Variants in KLHL42 observed in about 807,000 individuals in gnomAD.
KLHL42 encodes the protein kelch-like protein 42.
In KLHL42, 27 loss-of-function variants were observed where a neutral mutation model predicts 32.7. That is an observed-to-expected ratio of 0.83 (90% CI 0.61 to 1.14). KLHL42 has a LOEUF of 1.14. Ranked by LOEUF, KLHL42 falls within the 50% of genes most tolerant of loss-of-function variation. KLHL42 has a pLI of 0.00. For synonymous variants in KLHL42, 267 were observed against 248.2 expected (o/e 1.08, Z -0.71); for missense variants, 491 against 560.8 (o/e 0.88, Z 1.26).
chr12:27,783,836 A>G (rs550001660), intron 1 of KLHL42, among the ~76,000 whole-genome samples: 22 of 152,074 alleles, frequency 1.4e-4, no homozygotes, highest in Admixed American at 5.9e-4. Flanking sequence ...CGCCCGCCTC[A>G]GCCTCCCAAA....
At chr12:27,789,171 G>A (rs2062185812) in intron 1 of KLHL42, among the ~76,000 whole-genome samples, 1 of 152,186 alleles carries the variant, frequency 6.6e-6, no homozygotes, top group Non-Finnish European at 1.5e-5. Context: ...AATGGAGAAA[G>A]ACTTATCTCT....
At chr12:27,784,466 A>C (rs772029646) in intron 1 of KLHL42, among the ~76,000 whole-genome samples, 2 of 151,832 alleles carry the variant, frequency 1.3e-5, no homozygotes, top group Non-Finnish European at 2.9e-5. Context: ...AATTTTGTTG[A>C]AGCTGGGTGC....
chr12:27,782,877 GA>G (rs997320933), intron 1 of KLHL42, among the ~76,000 whole-genome samples: 5 of 151,922 alleles, frequency 3.3e-5, no homozygotes, highest in African/African-American at 1.2e-4. Context: ...TCAGGGTACA[GA>G]AAAAAAGTGT....
intron 1 of KLHL42, among the ~76,000 whole-genome samples, chr12:27,785,493 A>T (rs2140814441): frequency 6.6e-6 from 1 of 152,292 alleles, no homozygotes; most frequent in Non-Finnish European, 1.5e-5. Flanking sequence ...ACATGCCACC[A>T]TGCCTGACCC....
At chr12:27,797,154 G>C (rs1282840197) in intron 2 of KLHL42, 2 of 415,866 alleles carry the variant, frequency 4.8e-6, no homozygotes, top group East Asian at 7.2e-5. Flanking sequence ...ACTGGAAACT[G>C]AATTGCCAAG....
At chr12:27,791,454 T>C (rs999176384) in intron 1 of KLHL42, among the ~76,000 whole-genome samples, 1 of 152,244 alleles carries the variant, frequency 6.6e-6, no homozygotes, top group African/African-American at 2.4e-5. Context: ...TGAACAAGAT[T>C]AATAACTTGT....
rs1374107040 is a variant in KLHL42 at position 27,798,698 on chromosome 12, A to G, written c.*532A>G. The G allele has an allele frequency of 1.3e-5, 2 of 151,946 alleles. No individual in the cohort carries two copies. Among genetic ancestry groups the G allele is most frequent in the African/African-American group, 4.9e-5 (2 of 41,030 alleles). The allele number at this position is 151,946 out of a possible 1,614,324, so 9.4% of individuals were successfully genotyped here. ...CTGTGTTCAGATATTTTGTTTGCAC[A>G]CTACTTTTTAGGAAACTTATAATGA... On this transcript the variant is annotated 3_prime_UTR_variant, in exon 3 of 3. Transcript: ENST00000381271.
At chr12:27,794,387 C>T (rs1190288075) in intron 2 of KLHL42, among the ~76,000 whole-genome samples, 1 of 152,194 alleles carries the variant, frequency 6.6e-6, no homozygotes, top group African/African-American at 2.4e-5. Flanking sequence ...TGGCTTCTCC[C>T]TTTCTGTCTA....
Position 27,802,113 on chromosome 12 carries a change from A to G in KLHL42, c.*3947A>G, listed in dbSNP as rs1310417922. ...TGTTTTTCTTTTAAATTTGAACATC[A>G]CATCTTGTGTTTTAGTTTTTTGCTC... is the stretch of plus-strand genomic sequence containing the variant. On this transcript the variant is annotated 3_prime_UTR_variant, in exon 3 of 3. Coordinates refer to ENST00000381271, the MANE Select transcript of KLHL42 (RefSeq NM_020782.2). The G allele has an allele frequency of 6.6e-6, 1 of 150,708 alleles. No individual in the cohort carries two copies. Among genetic ancestry groups the G allele is most frequent in the Non-Finnish European group, 1.5e-5 (1 of 67,426 alleles). 9.3% of individuals were successfully genotyped at this position (150,708 alleles called of 1,614,324 possible).
chr12:27,785,829 T>A (rs1007481487), intron 1 of KLHL42, among the ~76,000 whole-genome samples: 2 of 152,240 alleles, frequency 1.3e-5, no homozygotes, highest in Admixed American at 1.3e-4. Flanking sequence ...TGGAATATAT[T>A]TTTACATTAT....
In KLHL42 at chr12:27,796,370, GTA is replaced by G. The variant is rs1240564624; in HGVS notation, c.1067-1344_1067-1343del. The stretch of plus-strand genomic sequence containing the variant: ...AAGCGCCTGCAGCCGTCAAAATGCT[GTA>G]GGCTTTAGTCGTCTGCCAGTTCCCA... On this transcript the variant is annotated intron_variant, in intron 2 of 2. Transcript: ENST00000381271. Among the ~76,000 whole-genome samples the G allele has an allele frequency of 6.6e-5, 10 of 152,322 alleles. No individual in the cohort carries two copies. In the South Asian group the frequency reaches 1.0e-3, roughly 16 times the overall value.
chr12:27,802,377 GT>G lies in KLHL42; in HGVS notation c.*4212del, dbSNP rs2140828555. ...TGCCTTTAAAACATTCCCATAAAAA[GT>G]ATTAATAAAGAAATTTCCATTCCAC... On this transcript the variant is annotated 3_prime_UTR_variant, in exon 3 of 3. Transcript: ENST00000381271. 1.3e-5 allele frequency: 2 copies of G among 152,326 alleles called. No homozygotes were observed. Among genetic ancestry groups the G allele is most frequent in the East Asian group, 3.9e-4 (2 of 5,180 alleles). 9.4% of individuals were successfully genotyped at this position (152,326 alleles called of 1,614,324 possible).
In KLHL42 at chr12:27,780,640, G is replaced by A; in HGVS notation, c.310G>A (p.Glu104Lys). 3 of 1,573,718 alleles carry A rather than the reference G, an allele frequency of 1.9e-6. No individual in the cohort carries two copies. Among genetic ancestry groups the A allele is most frequent in the Non-Finnish European group, 8.6e-7 (1 of 1,158,020 alleles). ...GATGGATGAGGTGAGCCTGCTGTCCGAGCTGGTGGAGGCGGCCTCCTTCCT... is the reference window on the plus strand; with the variant it reads ...GATGGATGAGGTGAGCCTGCTGTCCAAGCTGGTGGAGGCGGCCTCCTTCCT... ...EEMDEVSLLS[E>K]LVEAASFLQV... The change falls in exon 1 of 3, where the codon GAG (glutamate) becomes AAG (lysine). Residue 104 changes from glutamate to lysine, a missense_variant. By Grantham distance (56) the Glu-to-Lys change is moderately conservative. Transcript: ENST00000381271. This position sits in a 1 kb window ranked among gnomAD's most constrained non-coding sequence, Gnocchi z 8.8.
chr12:27,786,425 A>G (rs1471325323), intron 1 of KLHL42, among the ~76,000 whole-genome samples: 5 of 152,174 alleles, frequency 3.3e-5, no homozygotes, highest in Non-Finnish European at 7.3e-5. Flanking sequence ...AGTTTAGGTG[A>G]TGAGACAAGT....
chr12:27,801,894 T>C lies in KLHL42; in HGVS notation c.*3728T>C, dbSNP rs1192120078. The C allele has an allele frequency of 6.6e-6, 1 of 151,964 alleles. No individual in the cohort carries two copies. Among genetic ancestry groups the C allele is most frequent in the Non-Finnish European group, 1.5e-5 (1 of 68,032 alleles). The allele number at this position is 151,964 out of a possible 1,614,324, so 9.4% of individuals were successfully genotyped here. A position where few individuals can be genotyped will look rare whatever the true frequency, so the allele number is the denominator to read the frequency against. On this transcript the variant is annotated 3_prime_UTR_variant, in exon 3 of 3. Coordinates refer to ENST00000381271, the MANE Select transcript of KLHL42 (RefSeq NM_020782.2). The stretch of plus-strand genomic sequence containing the variant: ...AGAACAGAATACAGACATAAATAAG[T>C]CACGGCCCATGACCTTGAAGAGCTT...
rs1468723469 is a variant in KLHL42 at position 27,793,011 on chromosome 12, A to G, written c.1066+1110A>G. On this transcript the variant is annotated intron_variant, in intron 2 of 2. Transcript: ENST00000381271. ...GTGATTGTTCTGCCTTGGCCTCTCA[A>G]AGTGCTGGGATTACAGGCATAAGTC... Among the ~76,000 whole-genome samples the G allele has an allele frequency of 3.3e-5, 5 of 152,188 alleles. 1 individual carries two copies. The highest frequency in any genetic ancestry group is 7.4e-5 in the Non-Finnish European group (5 of 68,004).
At position 27,780,639 on chromosome 12, in the gene KLHL42, C is replaced by A; in HGVS notation, c.309C>A (p.Ser103=). ...AGATGGATGAGGTGAGCCTGCTGTCCGAGCTGGTGGAGGCGGCCTCCTTCC... is the reference window on the plus strand; with the variant it reads ...AGATGGATGAGGTGAGCCTGCTGTCAGAGCTGGTGGAGGCGGCCTCCTTCC... ...DEEMDEVSLL[S]ELVEAASFLQ... is the part of the protein sequence containing the mutation. The change falls in exon 1 of 3, where the codon TCC becomes TCA. Residue 103 remains serine, a synonymous_variant. Coordinates refer to ENST00000381271, the MANE Select transcript of KLHL42 (RefSeq NM_020782.2). The surrounding 1 kb of genome is among the most constrained non-coding windows in gnomAD (Gnocchi z 8.8). 6.4e-7 allele frequency: 1 copy of A among 1,572,804 alleles called. No individual in the cohort carries two copies. Among genetic ancestry groups the A allele is most frequent in the Non-Finnish European group, 8.6e-7 (1 of 1,157,596 alleles).
At position 27,780,257 on chromosome 12, in the gene KLHL42, C is replaced by T. The variant is rs2062139115; in HGVS notation, c.-74C>T. The stretch of plus-strand genomic sequence containing the variant: ...CATCCCTCGGCGCCCCGCCCGGAAC[C>T]GGCGCGCGCGTAGGGGCTGGGAGGC... On this transcript the variant is annotated 5_prime_UTR_variant, in exon 1 of 3. Transcript: ENST00000381271. The surrounding 1 kb of genome is among the most constrained non-coding windows in gnomAD (Gnocchi z 8.8). 3 of 1,360,202 alleles carry T rather than the reference C, an allele frequency of 2.2e-6. No individual in the cohort carries two copies. Among genetic ancestry groups the T allele is most frequent in the Non-Finnish European group, 2.8e-6 (3 of 1,052,666 alleles). The allele number at this position is 1,360,202 out of a possible 1,614,324, so 84.3% of individuals were successfully genotyped here.
rs1339864335 is a variant in KLHL42 at position 27,780,674 on chromosome 12, C to T, written c.344C>T (p.Thr115Met). The T allele has an allele frequency of 6.3e-7, 1 of 1,598,734 alleles. No homozygotes were observed. Among genetic ancestry groups the T allele is most frequent in the Non-Finnish European group, 8.5e-7 (1 of 1,171,290 alleles). ...GAGGCGGCCTCCTTCCTGCAGGTCA[C>T]GTCCCTGCTGCAGCTGCTGCTGTCC... is the stretch of plus-strand genomic sequence containing the variant. The part of the protein sequence containing the change: ...LVEAASFLQV[T>M]SLLQLLLSQV... Residue 115 changes from threonine (T) to methionine (M), a missense_variant, in exon 1 of 3, where the codon ACG becomes ATG. This residue lies in a region of KLHL42 where 248 missense variants were observed against 329.2 expected (regional missense o/e 0.75). Coordinates refer to ENST00000381271, the MANE Select transcript of KLHL42 (RefSeq NM_020782.2). The surrounding 1 kb of genome is among the most constrained non-coding windows in gnomAD (Gnocchi z 8.8).
Sources: gnomAD v4.1 joint callset for allele counts (sites outside exome capture counted in the v4.1 genomes callset) on GRCh38, gnomAD v4.1.1 for gene constraint, gnomAD v4.1.1 regional missense constraint, Gnocchi (gnomAD v3.1) non-coding constraint, MANE v1.5 for transcripts, NCBI Gene and HGNC (gene_info 2026-07-23, HGNC 2026-07-21) for gene names.